FRMD3: variants seen among roughly 807,000 people sequenced by gnomAD.
FRMD3 encodes FERM domain containing 3.
In FRMD3, 33 loss-of-function variants were observed where a neutral mutation model predicts 70.2. The observed-to-expected ratio is 0.47, with a 90% CI of 0.36 to 0.63. FRMD3 has a LOEUF of 0.63. Among genes scored for constraint, FRMD3 ranks in the 20% least tolerant of loss-of-function variants. The pLI is 0.00. For missense variants in FRMD3, 632 were observed against 711.4 expected, an observed-to-expected ratio of 0.89 and a Z score of 1.27; for synonymous variants, 279 against 255.9, an observed-to-expected ratio of 1.09 and a Z score of -0.86.
At chr9:83,358,357 G>A (rs537382038) in intron 3 of FRMD3, among the ~76,000 whole-genome samples, 10 of 152,180 alleles carry the variant, frequency 6.6e-5, no homozygotes, top group African/African-American at 2.2e-4. Flanking sequence ...GTTTGAAGTC[G>A]GGTAATGTGA....
intron 3 of FRMD3, among the ~76,000 whole-genome samples, chr9:83,362,001 C>A (rs1261023365): frequency 1.3e-5 from 2 of 152,182 alleles, no homozygotes; most frequent in Admixed American, 1.3e-4. Context: ...AAGTAGATTT[C>A]TATTGTTTTA....
At chr9:83,414,826 T>C (rs1005628890) in intron 1 of FRMD3, among the ~76,000 whole-genome samples, 30 of 152,246 alleles carry the variant, frequency 2.0e-4, no homozygotes, top group Admixed American at 1.8e-3. Context: ...TTTTATCTCC[T>C]TGTTGTATGT....
At chr9:83,401,868 T>A (rs980285534) in intron 1 of FRMD3, among the ~76,000 whole-genome samples, 1 of 152,158 alleles carries the variant, frequency 6.6e-6, no homozygotes, top group Non-Finnish European at 1.5e-5. Flanking sequence ...AAATAAAGAA[T>A]GCTTACAAAT....
At chr9:83,383,453 C>T (rs75158285) in intron 2 of FRMD3, among the ~76,000 whole-genome samples, 5,534 of 152,286 alleles carry the variant, frequency 0.036, 173 homozygotes, top group East Asian at 0.17. Flanking sequence ...CTAACCTATA[C>T]TGTTTTTATT....
chr9:83,424,454 G>A (rs556336602), intron 1 of FRMD3, among the ~76,000 whole-genome samples: 4 of 152,232 alleles, frequency 2.6e-5, no homozygotes, highest in South Asian at 2.1e-4. Flanking sequence ...AAGCCTGCCC[G>A]GTATAATTTA....
At chr9:83,581,047 T>C in the FRMD3 span, among the ~76,000 whole-genome samples, 233 of 152,238 alleles carry the variant, frequency 1.5e-3, no homozygotes, top group Admixed American at 3.5e-3. Flanking sequence ...TTCATTATAT[T>C]GTCTCATGTT....
chr9:83,292,375 T>C (rs1834460114), intron 12 of FRMD3, among the ~76,000 whole-genome samples: 1 of 152,042 alleles, frequency 6.6e-6, no homozygotes, highest in Non-Finnish European at 1.5e-5. Flanking sequence ...ACCAGGATGA[T>C]GGTCTTCATC....
At chr9:83,410,301 C>T (rs2131337953) in intron 1 of FRMD3, among the ~76,000 whole-genome samples, 1 of 152,178 alleles carries the variant, frequency 6.6e-6, no homozygotes, top group East Asian at 1.9e-4. Context: ...TTGCCCTTGT[C>T]CCTCCCTCCC....
rs187476056 is a variant in FRMD3 at position 83,244,856 on chromosome 9, T to C, written c.*3062A>G. ...AATATATTCCAAATACATAACATTT[T>C]ACAATATTTTTCAAGCACAGACAAA... On this transcript the variant is annotated 3_prime_UTR_variant, in exon 14 of 14. Coordinates refer to ENST00000304195, the MANE Select transcript of FRMD3 (RefSeq NM_174938.6). 764 of 984,510 alleles carry C rather than the reference T, an allele frequency of 7.8e-4. 7 individuals are homozygous for C. In the African/African-American group the frequency reaches 0.013, roughly 16 times the overall value. 61.0% of individuals were successfully genotyped at this position (984,510 alleles called of 1,614,324 possible). A position where few individuals can be genotyped will look rare whatever the true frequency, so the allele number is the denominator to read the frequency against.
intron 1 of FRMD3, among the ~76,000 whole-genome samples, chr9:83,411,318 C>A (rs1052696361): frequency 5.3e-5 from 8 of 152,204 alleles, no homozygotes; most frequent in African/African-American, 1.9e-4. Flanking sequence ...CTTGAACTAA[C>A]TTCTGAAATA....
intron 1 of FRMD3, among the ~76,000 whole-genome samples, chr9:83,414,913 C>A (rs1276141059): frequency 6.6e-6 from 1 of 152,208 alleles, no homozygotes; most frequent in Non-Finnish European, 1.5e-5. Context: ...AGAAAGTTTT[C>A]TTTCCAAAGG....
At chr9:83,497,824 C>G (rs1828975323) in intron 1 of FRMD3, among the ~76,000 whole-genome samples, 1 of 152,174 alleles carries the variant, frequency 6.6e-6, no homozygotes, top group Non-Finnish European at 1.5e-5. Flanking sequence ...TCAGAGGAGA[C>G]TTTGGGGTGT....
At chr9:83,528,237 C>T (rs1829723816) in intron 1 of FRMD3, among the ~76,000 whole-genome samples, 1 of 151,964 alleles carries the variant, frequency 6.6e-6, no homozygotes, top group African/African-American at 2.4e-5. Flanking sequence ...TTAGAAAATG[C>T]TTATTACACT....
chr9:83,421,164 T>A (rs1826630201), intron 1 of FRMD3, among the ~76,000 whole-genome samples: 1 of 151,188 alleles, frequency 6.6e-6, no homozygotes, highest in African/African-American at 2.4e-5. Flanking sequence ...ATGGTCTCGA[T>A]CTCCTGACCT....
intron 13 of FRMD3, among the ~76,000 whole-genome samples, chr9:83,251,345 C>G (rs1379036815): frequency 6.6e-6 from 1 of 152,148 alleles, no homozygotes; most frequent in East Asian, 1.9e-4. Flanking sequence ...AAAGACCCCA[C>G]AAAAACTTCA....
chr9:83,407,525 T>C (rs954199552), intron 1 of FRMD3, among the ~76,000 whole-genome samples: 6 of 152,224 alleles, frequency 3.9e-5, no homozygotes, highest in African/African-American at 9.6e-5. Flanking sequence ...TTGGAGGCTA[T>C]ATGTAGCAGA....
intron 1 of FRMD3, among the ~76,000 whole-genome samples, chr9:83,445,702 G>T (rs994934040): frequency 6.6e-6 from 1 of 152,210 alleles, no homozygotes; most frequent in Non-Finnish European, 1.5e-5. Context: ...GGACAATTGA[G>T]TTTGATGAAA....
At chr9:83,273,737 A>T (rs1833699307) in intron 13 of FRMD3, among the ~76,000 whole-genome samples, 1 of 152,122 alleles carries the variant, frequency 6.6e-6, no homozygotes, top group East Asian at 1.9e-4. Flanking sequence ...TAAAATTATC[A>T]TATTCTGCTC....
At chr9:83,363,453 T>C (rs1824674944) in intron 3 of FRMD3, among the ~76,000 whole-genome samples, 2 of 152,178 alleles carry the variant, frequency 1.3e-5, no homozygotes, top group South Asian at 2.1e-4. Context: ...TTATAAGCAA[T>C]GCTGTAATAA....
Sources: allele counts gnomAD v4.1 joint callset (sites outside exome capture counted in the v4.1 genomes callset), GRCh38; gene constraint gnomAD v4.1.1; transcripts MANE v1.5; gene names NCBI Gene and HGNC (gene_info 2026-07-23, HGNC 2026-07-21).